Variants in SIPA1L3 observed in about 807,000 individuals in gnomAD.
SIPA1L3 encodes signal-induced proliferation-associated 1-like protein 3.
Under a neutral mutation model 150.1 loss-of-function variants are expected in SIPA1L3, and 59 were observed. The observed-to-expected ratio is 0.39, with a 90% CI of 0.32 to 0.49. The LOEUF is 0.49. Among genes scored for constraint, SIPA1L3 ranks in the 20% least tolerant of loss-of-function variants. The pLI is 0.86. For missense variants in SIPA1L3, 2,211 were observed against 2,489.5 expected (o/e 0.89, Z 2.38); for synonymous variants, 1,070 against 1,077.6 (o/e 0.99, Z 0.14).
At chr19:37,918,223 C>T (rs1459798516) in intron 1 of SIPA1L3, among the ~76,000 whole-genome samples, 7 of 151,614 alleles carry the variant, frequency 4.6e-5, no homozygotes, top group Non-Finnish European at 2.9e-5. Flanking sequence ...AAGGTCTTGG[C>T]GTGTTTGAAA....
At chr19:38,107,319 T>G (rs373077980) in intron 7 of SIPA1L3, among the ~76,000 whole-genome samples, 6 of 152,294 alleles carry the variant, frequency 3.9e-5, no homozygotes, top group African/African-American at 1.2e-4. Context: ...AGCCCGAGGC[T>G]CATGCCCAAC....
At chr19:38,182,221 C>A (rs147877726) in intron 15 of SIPA1L3, among the ~76,000 whole-genome samples, 44 of 151,900 alleles carry the variant, frequency 2.9e-4, no homozygotes, top group African/African-American at 1.0e-3. Flanking sequence ...AGGTAAGATC[C>A]CCACCTTTAG....
At chr19:37,987,881 C>T (rs1967400663) in intron 1 of SIPA1L3, among the ~76,000 whole-genome samples, 1 of 152,222 alleles carries the variant, frequency 6.6e-6, no homozygotes. Context: ...ATAAACGGAG[C>T]TTGGTATTTG....
intron 1 of SIPA1L3, among the ~76,000 whole-genome samples, chr19:37,941,488 C>A (rs1254992404): frequency 7.8e-6 from 1 of 128,460 alleles, no homozygotes; most frequent in African/African-American, 2.9e-5. Flanking sequence ...AGATTCAAAT[C>A]TTCCTTGTTT....
chr19:38,033,237 A>G (rs1440255562), intron 2 of SIPA1L3, among the ~76,000 whole-genome samples: 1 of 152,258 alleles, frequency 6.6e-6, no homozygotes, highest in Admixed American at 6.5e-5. Context: ...TTGCCAGTCC[A>G]TTGAACCCAA....
chr19:38,204,061 T>G (rs1973149812), intron 20 of SIPA1L3, 66 bp from the exon 21 acceptor site: 1 of 1,309,232 alleles, frequency 7.6e-7, no homozygotes, highest in Admixed American at 2.0e-5. Flanking sequence ...GCTCCTCAGA[T>G]GTGGGCCAGA....
chr19:38,004,763 G>C (rs1343594676), intron 1 of SIPA1L3, among the ~76,000 whole-genome samples: 1 of 152,158 alleles, frequency 6.6e-6, no homozygotes, highest in Non-Finnish European at 1.5e-5. Flanking sequence ...TAGAGGAAGG[G>C]CGGGCTGGGT....
chr19:37,992,137 T>C (rs1041092122), intron 1 of SIPA1L3, among the ~76,000 whole-genome samples: 1 of 152,060 alleles, frequency 6.6e-6, no homozygotes, highest in African/African-American at 2.4e-5. Flanking sequence ...TTAGCCTCCA[T>C]TGGGCTGCAT....
chr19:38,206,900 T>C lies in SIPA1L3; in HGVS notation c.*660T>C, dbSNP rs1230279970. 2 of 152,644 alleles carry C rather than the reference T, an allele frequency of 1.3e-5. No individual in the cohort carries two copies. The highest frequency in any genetic ancestry group is 2.9e-5 in the Non-Finnish European group (2 of 68,086). 9.5% of individuals were successfully genotyped at this position (152,644 alleles called of 1,614,324 possible). A position where few individuals can be genotyped will look rare whatever the true frequency, so the allele number is the denominator to read the frequency against. ...GCCTGAGGATAGAGAGAGGCAAGGC[T>C]AGCCTCCAGAGCCGATTTATTTGAG... On this transcript the variant is annotated 3_prime_UTR_variant, in exon 22 of 22. Coordinates refer to ENST00000222345, the MANE Select transcript of SIPA1L3 (RefSeq NM_015073.3).
chr19:38,138,248 G>A (rs953899615), intron 10 of SIPA1L3, among the ~76,000 whole-genome samples: 1 of 152,148 alleles, frequency 6.6e-6, no homozygotes, highest in African/African-American at 2.4e-5. Context: ...TTAAAGTTGT[G>A]GGCTTTGGAG....
chr19:38,040,892 C>G (rs1472959750), intron 2 of SIPA1L3, among the ~76,000 whole-genome samples: 1 of 151,956 alleles, frequency 6.6e-6, no homozygotes, highest in African/African-American at 2.4e-5. Context: ...TCCCAAGTAG[C>G]TGGGACTACA....
At chr19:37,962,463 C>CTTTTGTTGTTTT (rs2046867657) in intron 1 of SIPA1L3, among the ~76,000 whole-genome samples, 1 of 73,102 alleles carries the variant, frequency 1.4e-5, no homozygotes, top group African/African-American at 7.1e-5. Flanking sequence ...TGCAGCCGGC[C>CTTTTGTTGTTTT]TTTTTTTTTT....
intron 2 of SIPA1L3, among the ~76,000 whole-genome samples, chr19:38,033,698 T>C (rs565930476): frequency 5.3e-4 from 81 of 151,610 alleles, no homozygotes; most frequent in African/African-American, 1.7e-3. Context: ...TGTGTGTGTG[T>C]GCGTGTATGT....
intron 2 of SIPA1L3, among the ~76,000 whole-genome samples, chr19:38,037,327 T>G (rs1244577506): frequency 2.0e-5 from 3 of 152,158 alleles, no homozygotes; most frequent in Non-Finnish European, 1.5e-5. Flanking sequence ...TAAGTAGACC[T>G]TCCCCCAGTG....
chr19:38,066,824 T>C (rs1969603405), intron 2 of SIPA1L3, among the ~76,000 whole-genome samples: 1 of 151,838 alleles, frequency 6.6e-6, no homozygotes, highest in East Asian at 1.9e-4. Flanking sequence ...AGATTCCATC[T>C]CAAAAAAGTA....
At chr19:38,016,989 C>T (rs527358586) in intron 1 of SIPA1L3, among the ~76,000 whole-genome samples, 24 of 146,084 alleles carry the variant, frequency 1.6e-4, no homozygotes, top group African/African-American at 5.3e-4. Context: ...CTCCGGCTCC[C>T]GGGTTCAAGC....
At chr19:37,986,681 T>A (rs1265967717) in intron 1 of SIPA1L3, among the ~76,000 whole-genome samples, 2 of 152,198 alleles carry the variant, frequency 1.3e-5, no homozygotes, top group African/African-American at 4.8e-5. Flanking sequence ...CGAACCCTAT[T>A]AGAATCAGGT....
At chr19:38,113,699 C>G (rs1364890533) in intron 8 of SIPA1L3, among the ~76,000 whole-genome samples, 2 of 152,156 alleles carry the variant, frequency 1.3e-5, no homozygotes, top group African/African-American at 4.8e-5. Flanking sequence ...CTTCCTGTAT[C>G]TGTCACAGCA....
At chr19:38,057,518 C>G (rs893179718) in intron 2 of SIPA1L3, among the ~76,000 whole-genome samples, 2 of 151,892 alleles carry the variant, frequency 1.3e-5, no homozygotes, top group African/African-American at 4.8e-5. Flanking sequence ...TTTAATGGTA[C>G]TCCTGGTGTT....
Sources: gnomAD v4.1 joint callset for allele counts (sites outside exome capture counted in the v4.1 genomes callset) on GRCh38, gnomAD v4.1.1 for gene constraint, MANE v1.5 for transcripts, NCBI Gene and HGNC (gene_info 2026-07-23, HGNC 2026-07-21) for gene names.